Variants in CLYBL observed in about 807,000 individuals in gnomAD.
CLYBL encodes citramalyl-CoA lyase.
CLYBL carries 31 observed loss-of-function variants against 38.9 expected under a neutral mutation model. The observed-to-expected ratio is 0.80, with a 90% CI of 0.60 to 1.08. CLYBL has a LOEUF of 1.08. Ranked by LOEUF, CLYBL falls within the 50% of genes least tolerant of loss-of-function variation. The pLI, the probability that CLYBL is intolerant of heterozygous loss-of-function variation, is 0.00. For missense variants in CLYBL, 434 were observed against 411.6 expected (o/e 1.05, Z -0.47); for synonymous variants, 171 against 158.6 (o/e 1.08, Z -0.59).
chr13:99,792,467 G>A (rs75490108), intron 2 of CLYBL, among the ~76,000 whole-genome samples: 3,221 of 152,252 alleles, frequency 0.021, 62 homozygotes, highest in South Asian at 0.046. Flanking sequence ...AGAGTACTCA[G>A]GACAACCAGG....
rs567696541 is a variant in CLYBL, at chr13:99,868,561, A to T, written c.802+2154A>T. ...TGGTAAGGAAGACTAAGTCTGTGCT[A>T]TAAGGATTGCCTTTACTTTTAAAAA... On this transcript the variant is annotated intron_variant, in intron 6 of 8. Transcript: ENST00000339105. Among the ~76,000 whole-genome samples, 3 of 152,362 alleles carry T rather than the reference A, an allele frequency of 2.0e-5. No individual in the cohort carries two copies. In the East Asian group the frequency reaches 5.8e-4, roughly 29 times the overall value.
chr13:99,816,806 C>T (rs2050458025), intron 2 of CLYBL, among the ~76,000 whole-genome samples: 1 of 152,192 alleles, frequency 6.6e-6, no homozygotes, highest in Non-Finnish European at 1.5e-5. Flanking sequence ...ATAAGCCACC[C>T]AGTCTATGGT....
intron 2 of CLYBL, among the ~76,000 whole-genome samples, chr13:99,779,354 G>A (rs1206225913): frequency 6.6e-6 from 1 of 152,018 alleles, no homozygotes; most frequent in African/African-American, 2.4e-5. Context: ...CGTTGGCCAG[G>A]CTGGTCTCAA....
intron 7 of CLYBL, chr13:99,885,000 G>A (rs769831995): frequency 4.0e-6 from 2 of 493,876 alleles, no homozygotes; most frequent in Non-Finnish European, 4.2e-6. Context: ...GCTGCTCTTG[G>A]CTTTGCATTC....
intron 1 of CLYBL, among the ~76,000 whole-genome samples, chr13:99,692,285 TG>T (rs201950539): frequency 5.4e-5 from 6 of 111,110 alleles, no homozygotes; most frequent in African/African-American, 1.1e-4. Context: ...TTGTTTTTTT[TG>T]TTTTTTTTTT....
At position 99,834,033 on chromosome 13, in the gene CLYBL, TC is replaced by T. The variant is rs373092953; in HGVS notation, c.250-24826del. ...CTTATTTTGAGGACACCTGGGCACT[TC>T]CAGCCCTGCCTCCTTGGAAGTGGGA... is the stretch of plus-strand genomic sequence containing the variant. On this transcript the variant is annotated intron_variant, in intron 2 of 8. Transcript: ENST00000339105. Among the ~76,000 whole-genome samples, 19 of 152,148 alleles carry T rather than the reference TC, an allele frequency of 1.2e-4. No homozygotes were observed. In the South Asian group the frequency reaches 4.0e-3, roughly 32 times the overall value.
intron 1 of CLYBL, among the ~76,000 whole-genome samples, chr13:99,747,226 C>T (rs1438157630): frequency 6.8e-6 from 1 of 148,006 alleles, no homozygotes; most frequent in Non-Finnish European, 1.5e-5. Context: ...CCGCCCCACC[C>T]CCATGCTCCC....
downstream of CLYBL, chr13:99,895,545 C>T (rs1262033364): frequency 4.6e-5 from 7 of 152,370 alleles, no homozygotes; most frequent in Admixed American, 3.9e-4. Flanking sequence ...GTCTTTCCCG[C>T]GGGCGGAGCG....
At chr13:99,850,796 G>A (rs976164152) in intron 2 of CLYBL, among the ~76,000 whole-genome samples, 1 of 152,078 alleles carries the variant, frequency 6.6e-6, no homozygotes, top group Non-Finnish European at 1.5e-5. Context: ...CAAATGAATG[G>A]ATAAACAAAA....
chr13:99,836,309 C>T (rs1412632639), intron 2 of CLYBL, among the ~76,000 whole-genome samples: 1 of 152,098 alleles, frequency 6.6e-6, no homozygotes, highest in Non-Finnish European at 1.5e-5. Flanking sequence ...GGGAGTGAGG[C>T]GTTTCTTCCC....
chr13:99,733,100 A>G (rs2048616864), intron 1 of CLYBL, among the ~76,000 whole-genome samples: 2 of 152,208 alleles, frequency 1.3e-5, no homozygotes, highest in African/African-American at 4.8e-5. Flanking sequence ...GTCAGCAGAA[A>G]AAGTAATTCC....
chr13:99,857,102 ATCAGGAGTTCAAGG>A (rs1176661023), intron 2 of CLYBL, among the ~76,000 whole-genome samples: 1 of 151,598 alleles, frequency 6.6e-6, no homozygotes, highest in South Asian at 2.1e-4. Context: ...ATCACCTGAG[ATCAGGAGTTCAAGG>A]TCAGCCTGGC....
At chr13:99,871,396 GAAC>G (rs1412160658) in intron 7 of CLYBL, among the ~76,000 whole-genome samples, 1 of 152,186 alleles carries the variant, frequency 6.6e-6, no homozygotes, top group African/African-American at 2.4e-5. Flanking sequence ...ATCAAAGTGA[GAAC>G]AAGTTGTAAT....
At chr13:99,667,215 A>T (rs2047494621) in intron 1 of CLYBL, among the ~76,000 whole-genome samples, 2 of 152,136 alleles carry the variant, frequency 1.3e-5, no homozygotes, top group African/African-American at 4.8e-5. Flanking sequence ...GGAACTTATA[A>T]CAACAGATTC....
At chr13:99,609,502 C>T (rs1225707029) in intron 1 of CLYBL, among the ~76,000 whole-genome samples, 1 of 151,978 alleles carries the variant, frequency 6.6e-6, no homozygotes, top group Non-Finnish European at 1.5e-5. Context: ...GCTGATTGCT[C>T]CGTCTTCCAA....
chr13:99,666,275 C>T (rs1840411811), intron 1 of CLYBL, among the ~76,000 whole-genome samples: 2 of 152,116 alleles, frequency 1.3e-5, no homozygotes, highest in Non-Finnish European at 2.9e-5. Flanking sequence ...TGAGACAGTA[C>T]AGCCCCTGCC....
chr13:99,888,548 G>A (rs1344705947), intron 7 of CLYBL, among the ~76,000 whole-genome samples: 1 of 152,034 alleles, frequency 6.6e-6, no homozygotes, highest in Non-Finnish European at 1.5e-5. Flanking sequence ...CCAGGAGTTC[G>A]AGACCAGCCT....
At chr13:99,808,411 C>T (rs2050274897) in intron 2 of CLYBL, among the ~76,000 whole-genome samples, 1 of 152,110 alleles carries the variant, frequency 6.6e-6, no homozygotes, top group African/African-American at 2.4e-5. Flanking sequence ...GAGGAACGGT[C>T]ACCTGAGCCC....
intron 1 of CLYBL, among the ~76,000 whole-genome samples, chr13:99,715,191 G>A (rs2048293638): frequency 6.6e-6 from 1 of 152,078 alleles, no homozygotes; most frequent in African/African-American, 2.4e-5. Flanking sequence ...TAGAAGCCAA[G>A]GCTAGGAGGC....
Sources: gnomAD v4.1 joint callset for allele counts (sites outside exome capture counted in the v4.1 genomes callset) on GRCh38, gnomAD v4.1.1 for gene constraint, MANE v1.5 for transcripts, NCBI Gene and HGNC (gene_info 2026-07-23, HGNC 2026-07-21) for gene names.